The following CSMD3 variants were observed in gnomAD, a reference collection of about 807,000 sequenced individuals.
CSMD3 encodes the protein CUB and Sushi multiple domains 3, also known as CUB and sushi domain-containing protein 3.
A neutral mutation model predicts 435.2 loss-of-function variants in CSMD3; 177 were observed. That is an observed-to-expected ratio of 0.41 (90% CI 0.36 to 0.46). CSMD3 has a LOEUF of 0.46. Among genes scored for constraint, CSMD3 ranks in the 20% least tolerant of loss-of-function variants. The pLI, the probability that CSMD3 is intolerant of heterozygous loss-of-function variation, is 0.34. For missense variants in CSMD3, 4,265 were observed against 4,504.6 expected (o/e 0.95, Z 1.52); for synonymous variants, 1,656 against 1,520.5 (o/e 1.09, Z -2.07).
At chr8:112,855,297 C>T (rs2080615399) in intron 11 of CSMD3, among the ~76,000 whole-genome samples, 1 of 152,058 alleles carries the variant, frequency 6.6e-6, no homozygotes, top group Non-Finnish European at 1.5e-5. Flanking sequence ...ACATTGACAT[C>T]TATTATTTAA....
chr8:112,272,386 C>A (rs2130488312), intron 59 of CSMD3, among the ~76,000 whole-genome samples: 1 of 152,106 alleles, frequency 6.6e-6, no homozygotes, highest in Non-Finnish European at 1.5e-5. Context: ...CATATAGTAA[C>A]TGGCCTATAG....
chr8:112,549,190 C>A (rs959988417), intron 27 of CSMD3, among the ~76,000 whole-genome samples: 19 of 151,890 alleles, frequency 1.3e-4, no homozygotes, highest in Non-Finnish European at 2.2e-4. Flanking sequence ...TTGTTTATTG[C>A]TAAACTACAA....
At chr8:112,557,763 G>A (rs1349834014) in intron 24 of CSMD3, among the ~76,000 whole-genome samples, 1 of 151,864 alleles carries the variant, frequency 6.6e-6, no homozygotes, top group East Asian at 1.9e-4. Flanking sequence ...CTCTTCCTTT[G>A]GTAGCTCTTC....
chr8:113,327,614 G>A (rs2093992950), intron 1 of CSMD3, among the ~76,000 whole-genome samples: 1 of 152,090 alleles, frequency 6.6e-6, no homozygotes, highest in South Asian at 2.1e-4. Flanking sequence ...CAGATTTGGT[G>A]CTCCTCAACG....
chr8:112,723,377 A>G (rs773767536), intron 13 of CSMD3, among the ~76,000 whole-genome samples: 8 of 152,144 alleles, frequency 5.3e-5, no homozygotes, highest in Non-Finnish European at 2.9e-5. Context: ...ATTTCCATCT[A>G]TATTTGAAAC....
chr8:112,910,470 T>C (rs184281271), intron 10 of CSMD3, among the ~76,000 whole-genome samples: 2 of 151,910 alleles, frequency 1.3e-5, no homozygotes, highest in African/African-American at 4.8e-5. Flanking sequence ...ACAAAAACAT[T>C]ATACCTTCAT....
chr8:112,604,076 C>A (rs575349982), intron 22 of CSMD3, among the ~76,000 whole-genome samples: 351 of 152,120 alleles, frequency 2.3e-3, no homozygotes, highest in African/African-American at 8.0e-3. Flanking sequence ...CCAAAACTAA[C>A]ATTGTTTAAC....
Position 112,345,176 on chromosome 8 carries a change from T to A in CSMD3, c.6442+921A>T, listed in dbSNP as rs994553225. Among the ~76,000 whole-genome samples, 3 of 152,140 alleles carry A rather than the reference T, an allele frequency of 2.0e-5. No individual in the cohort carries two copies. The East Asian group carries it at 5.8e-4, about 29-fold the overall frequency. The stretch of plus-strand genomic sequence containing the variant: ...AGTACAGACATTACAGGAAACAATA[T>A]GGAGGTTCCACAAAAAAATTTAAAA... On this transcript the variant is annotated intron_variant, in intron 41 of 70. Coordinates refer to ENST00000297405, the MANE Select transcript of CSMD3 (RefSeq NM_198123.2).
chr8:112,448,755 T>TAAAAAAAAAA (rs199998820), intron 32 of CSMD3, among the ~76,000 whole-genome samples: 2 of 127,190 alleles, frequency 1.6e-5, no homozygotes, highest in East Asian at 2.3e-4. Flanking sequence ...TACAATCTAT[T>TAAAAAAAAAA]AAAAAAAAAA....
At chr8:113,361,757 G>T (rs945380729) in intron 1 of CSMD3, among the ~76,000 whole-genome samples, 1 of 151,946 alleles carries the variant, frequency 6.6e-6, no homozygotes, top group Non-Finnish European at 1.5e-5. Flanking sequence ...ACATTTATAG[G>T]AACCATATCA....
Position 112,880,917 on chromosome 8 carries a change from A to C in CSMD3, c.1634-21651T>G, listed in dbSNP as rs1019557533. ...TTTTCTCATATACTATAAAATCCTTAAAAATGTAGCTGTTTTCACTTTCTA... is the reference window on the plus strand; with the variant it reads ...TTTTCTCATATACTATAAAATCCTTCAAAATGTAGCTGTTTTCACTTTCTA... On this transcript the variant is annotated intron_variant, in intron 10 of 70. Transcript: ENST00000297405. Among the ~76,000 whole-genome samples the C allele has an allele frequency of 2.0e-5, 3 of 152,064 alleles. No homozygotes were observed. The East Asian group carries it at 5.8e-4, about 29-fold the overall frequency.
At chr8:113,077,651 C>T (rs544547241) in intron 5 of CSMD3, among the ~76,000 whole-genome samples, 19 of 151,980 alleles carry the variant, frequency 1.3e-4, no homozygotes, top group Non-Finnish European at 2.1e-4. Context: ...TGCAGTGAGC[C>T]GAGATCGCAT....
At chr8:112,257,307 A>G (rs1815904021) in intron 61 of CSMD3, among the ~76,000 whole-genome samples, 1 of 152,190 alleles carries the variant, frequency 6.6e-6, no homozygotes, top group Non-Finnish European at 1.5e-5. Context: ...TAAATAAATA[A>G]GGGTATTCAA....
At chr8:112,366,585 A>G (rs753724179) in intron 38 of CSMD3, among the ~76,000 whole-genome samples, 1 of 152,074 alleles carries the variant, frequency 6.6e-6, no homozygotes, top group Non-Finnish European at 1.5e-5. Flanking sequence ...TTTGGTAGAG[A>G]TAGGGTTTCA....
intron 17 of CSMD3, among the ~76,000 whole-genome samples, chr8:112,661,342 T>G (rs2075375620): frequency 1.3e-5 from 2 of 152,268 alleles, no homozygotes; most frequent in South Asian, 2.1e-4. Flanking sequence ...ATTCTAAAGG[T>G]ATCTAAACAA....
chr8:112,226,508 T>C (rs1812570339), intron 70 of CSMD3, among the ~76,000 whole-genome samples: 1 of 152,094 alleles, frequency 6.6e-6, no homozygotes, highest in Non-Finnish European at 1.5e-5. Flanking sequence ...AATTTGGCAA[T>C]GGTTTCTTGG....
At position 112,408,944 on chromosome 8, in the gene CSMD3, T is replaced by C. The variant is rs1324016293; in HGVS notation, c.5484A>G (p.Leu1828=). Residue 1828 remains leucine, a synonymous_variant, in exon 33 of 71, where the codon TTA becomes TTG. Coordinates refer to ENST00000297405, the MANE Select transcript of CSMD3 (RefSeq NM_198123.2). ...CTGAATGGGATCCTGAGAGGGAAGA[T>C]AACAGAGAAGATTGCTGAGTTGGCC... ...YDGPTQQSSL[L]SSLSGSHSGE... 6.2e-7 allele frequency: 1 copy of C among 1,613,532 alleles called. No individual in the cohort carries two copies. The highest frequency in any genetic ancestry group is 2.2e-5 in the East Asian group (1 of 44,844).
intron 27 of CSMD3, among the ~76,000 whole-genome samples, chr8:112,545,112 T>A (rs1827027887): frequency 6.6e-6 from 1 of 152,136 alleles, no homozygotes; most frequent in Non-Finnish European, 1.5e-5. Context: ...CTGGCAGTCT[T>A]ACGTATCATT....
chr8:113,132,653 G>C (rs2091312944), intron 4 of CSMD3, among the ~76,000 whole-genome samples: 1 of 152,070 alleles, frequency 6.6e-6, no homozygotes, highest in Non-Finnish European at 1.5e-5. Flanking sequence ...CTCATCCTTA[G>C]CTAGTTCTTT....
Sources: gnomAD v4.1 joint callset for allele counts (sites outside exome capture counted in the v4.1 genomes callset) on GRCh38, gnomAD v4.1.1 for gene constraint, MANE v1.5 for transcripts, NCBI Gene and HGNC (gene_info 2026-07-23, HGNC 2026-07-21) for gene names.